Variants in CLCN3 observed in about 807,000 individuals in gnomAD.
CLCN3 encodes the protein Cl-/H+ antiporter 3, also known as H(+)/Cl(-) exchange transporter 3.
A neutral mutation model predicts 83.4 loss-of-function variants in CLCN3; 16 were observed. The ratio of observed to expected loss-of-function variants is 0.19; its 90% CI spans 0.13 to 0.29. The LOEUF is 0.29. Among genes scored for constraint, CLCN3 ranks in the 10% least tolerant of loss-of-function variants. CLCN3 has a pLI of 1.00. For missense variants in CLCN3, 544 were observed against 1,006.0 expected (o/e 0.54, Z 6.21); for synonymous variants, 322 against 346.2 (o/e 0.93, Z 0.78).
intron 2 of CLCN3, among the ~76,000 whole-genome samples, chr4:169,665,999 C>A (rs1731231881): frequency 6.8e-6 from 1 of 146,908 alleles, no homozygotes; most frequent in Non-Finnish European, 1.5e-5. Flanking sequence ...TTTTTAAGTT[C>A]AGTTCAGCAA....
rs1731870709 is a variant in CLCN3 at position 169,679,967 on chromosome 4, TTAA to T, written c.161-78_161-76del. 1.0e-5 allele frequency: 11 copies of T among 1,081,440 alleles called. No homozygotes were observed. The South Asian group carries it at 1.3e-4, about 13-fold the overall frequency. The allele number at this position is 1,081,440 out of a possible 1,614,324, so 67.0% of individuals were successfully genotyped here. A position where few individuals can be genotyped will look rare whatever the true frequency, so the allele number is the denominator to read the frequency against. On this transcript the variant is annotated intron_variant, in intron 2 of 12. Coordinates refer to ENST00000513761, the MANE Select transcript of CLCN3 (RefSeq NM_001829.4). ...GGGAGAGGGATTATTTCTGTATGAC[TTAA>T]TAATGAATTTCTAAGAAGGTCACTT...
At chr4:169,665,902 A>G (rs555887372) in intron 2 of CLCN3, among the ~76,000 whole-genome samples, 3 of 152,204 alleles carry the variant, frequency 2.0e-5, no homozygotes, top group South Asian at 2.1e-4. Flanking sequence ...CCTTTGAGAA[A>G]AGGCTTAGGC....
intron 11 of CLCN3, among the ~76,000 whole-genome samples, chr4:169,711,953 C>G (rs557184532): frequency 1.8e-4 from 27 of 151,718 alleles, no homozygotes; most frequent in Middle Eastern, 3.5e-3. Flanking sequence ...CAGCCCTGAC[C>G]TTCCGGGCTC....
chr4:169,719,496 A>G (rs1003942934), intron 12 of CLCN3, among the ~76,000 whole-genome samples: 2 of 152,166 alleles, frequency 1.3e-5, no homozygotes, highest in South Asian at 4.1e-4. Context: ...TGAAAAAGAG[A>G]AAATATTGAG....
chr4:169,705,495 A>T (rs1228902140), intron 10 of CLCN3, among the ~76,000 whole-genome samples: 2 of 152,232 alleles, frequency 1.3e-5, no homozygotes, highest in African/African-American at 4.8e-5. Flanking sequence ...GTATATAAAA[A>T]GTAATAACAC....
chr4:169,718,900 C>T (rs1231184282), intron 12 of CLCN3, among the ~76,000 whole-genome samples: 1 of 152,172 alleles, frequency 6.6e-6, no homozygotes, highest in Non-Finnish European at 1.5e-5. Context: ...TTTCACCTAT[C>T]TTTTAATGTA....
At chr4:169,692,718 G>T (rs2150251167) in intron 7 of CLCN3, among the ~76,000 whole-genome samples, 1 of 152,320 alleles carries the variant, frequency 6.6e-6, no homozygotes, top group African/African-American at 2.4e-5. Context: ...GGCAGTGTCT[G>T]GTGCCAGTGT....
At chr4:169,678,900 A>G (rs1325458245) in intron 2 of CLCN3, among the ~76,000 whole-genome samples, 1 of 152,168 alleles carries the variant, frequency 6.6e-6, no homozygotes, top group Admixed American at 6.5e-5. Context: ...CATCCTCACC[A>G]TGGCCCGTTC....
intron 3 of CLCN3, among the ~76,000 whole-genome samples, chr4:169,683,686 A>G (rs1732037400): frequency 1.3e-5 from 2 of 151,826 alleles, no homozygotes; most frequent in African/African-American, 4.8e-5. Flanking sequence ...TATGAACAAG[A>G]TTTTTTAAAG....
intron 12 of CLCN3, among the ~76,000 whole-genome samples, chr4:169,718,607 T>C (rs1181050120): frequency 6.6e-6 from 1 of 152,212 alleles, no homozygotes; most frequent in African/African-American, 2.4e-5. Context: ...AGTGGTTTCA[T>C]GACTACAAAT....
intron 8 of CLCN3, among the ~76,000 whole-genome samples, chr4:169,696,660 T>C (rs561895432): frequency 9.3e-4 from 142 of 152,246 alleles, no homozygotes; most frequent in Middle Eastern, 6.8e-3. Context: ...CCTCTGTAAG[T>C]TCATACCCGT....
At chr4:169,679,570 G>A (rs1731844344) in intron 2 of CLCN3, among the ~76,000 whole-genome samples, 1 of 152,192 alleles carries the variant, frequency 6.6e-6, no homozygotes, top group Non-Finnish European at 1.5e-5. Context: ...AGCGAGCCGA[G>A]ATCACGCCAC....
chr4:169,677,825 G>C (rs1731738890), intron 2 of CLCN3, among the ~76,000 whole-genome samples: 1 of 152,132 alleles, frequency 6.6e-6, no homozygotes. Flanking sequence ...TGATATTGTG[G>C]ATTTGATTTC....
At chr4:169,681,707 A>T (rs1040348818) in intron 3 of CLCN3, among the ~76,000 whole-genome samples, 6 of 151,734 alleles carry the variant, frequency 4.0e-5, no homozygotes, top group African/African-American at 9.7e-5. Flanking sequence ...TGAGGATTTT[A>T]AAAAAAAATA....
Position 169,707,057 on chromosome 4 carries a change from A to T in CLCN3, c.1940A>T (p.Glu647Val). 1 of 1,614,122 alleles carries T rather than the reference A, an allele frequency of 6.2e-7. No individual in the cohort carries two copies. Among genetic ancestry groups the T allele is most frequent in the Non-Finnish European group, 8.5e-7 (1 of 1,180,004 alleles). The change falls in exon 11 of 13, where the codon GAA becomes GTA. Residue 647 changes from glutamate to valine, a missense_variant. Around this residue, in one of 6 missense-constraint regions of CLCN3, gnomAD observed 142 missense variants for 225.0 expected, o/e 0.63. Coordinates refer to ENST00000513761, the MANE Select transcript of CLCN3 (RefSeq NM_001829.4). ...TACCCTTTCTTGGATGCAAAAGAAG[A>T]ATTCACTCATACCACCCTGGCTGCT... ...NGYPFLDAKE[E>V]FTHTTLAADV...
intron 2 of CLCN3, among the ~76,000 whole-genome samples, chr4:169,643,872 AT>A (rs1000319962): frequency 6.6e-6 from 1 of 151,994 alleles, no homozygotes; most frequent in African/African-American, 2.4e-5. Flanking sequence ...GAGAGCTCAA[AT>A]TTTTTTTATT....
intron 2 of CLCN3, chr4:169,662,993 G>C (rs1403355593): frequency 6.6e-6 from 1 of 151,964 alleles, no homozygotes; most frequent in Non-Finnish European, 1.5e-5. Context: ...AGTAGTTTTA[G>C]AGGTCAAATT....
chr4:169,666,620 G>A (rs1041900551), intron 2 of CLCN3, among the ~76,000 whole-genome samples: 2 of 152,220 alleles, frequency 1.3e-5, no homozygotes, highest in African/African-American at 4.8e-5. Context: ...ATATACATAT[G>A]TGTTTGGGAG....
intron 1 of CLCN3, among the ~76,000 whole-genome samples, chr4:169,634,600 ACATT>A (rs1260056223): frequency 6.6e-6 from 1 of 152,228 alleles, no homozygotes; most frequent in Non-Finnish European, 1.5e-5. Flanking sequence ...TAACTATAAA[ACATT>A]CATAAAGTTG....
Sources: gnomAD v4.1 joint callset for allele counts (sites outside exome capture counted in the v4.1 genomes callset) on GRCh38, gnomAD v4.1.1 for gene constraint, gnomAD v4.1.1 regional missense constraint, MANE v1.5 for transcripts, NCBI Gene and HGNC (gene_info 2026-07-23, HGNC 2026-07-21) for gene names.